The following HDAC9 variants were observed in gnomAD, a reference collection of about 807,000 sequenced individuals.
HDAC9 encodes histone deacetylase 9.
HDAC9 carries 41 observed loss-of-function variants against 139.4 expected under a neutral mutation model. The observed-to-expected ratio is 0.29, with a 90% confidence interval of 0.23 to 0.38. The LOEUF is 0.38. HDAC9 is among the 10% of genes least tolerant of loss of function. HDAC9 has a pLI of 1.00. For missense variants in HDAC9, 1,147 were observed against 1,297.0 expected (o/e 0.88, Z 1.78); for synonymous variants, 517 against 476.2 (o/e 1.09, Z -1.12).
At chr7:18,112,206 G>A (rs1045986864) in intron 1 of HDAC9, among the ~76,000 whole-genome samples, 30 of 152,156 alleles carry the variant, frequency 2.0e-4, no homozygotes, top group African/African-American at 6.8e-4. Context: ...TTCTTTTCAA[G>A]TCTATGTTTA....
At chr7:18,511,616 A>G (rs1801517527) in intron 2 of HDAC9, among the ~76,000 whole-genome samples, 1 of 152,166 alleles carries the variant, frequency 6.6e-6, no homozygotes, top group Non-Finnish European at 1.5e-5. Flanking sequence ...ATAAACAAAT[A>G]AAAGAAAAGA....
intron 11 of HDAC9, among the ~76,000 whole-genome samples, chr7:18,665,825 C>A (rs1156778476): frequency 2.6e-5 from 4 of 152,044 alleles, no homozygotes; most frequent in Non-Finnish European, 5.9e-5. Flanking sequence ...TTTTTTATCA[C>A]CCCCTTTATC....
At chr7:18,310,775 T>G (rs1799257298) in intron 1 of HDAC9, among the ~76,000 whole-genome samples, 1 of 150,698 alleles carries the variant, frequency 6.6e-6, no homozygotes, top group Admixed American at 6.6e-5. Flanking sequence ...AGTTGACATT[T>G]TCTACAGATT....
chr7:18,393,040 G>A (rs2128725393), intron 1 of HDAC9, among the ~76,000 whole-genome samples: 1 of 151,762 alleles, frequency 6.6e-6, no homozygotes, highest in South Asian at 2.1e-4. Flanking sequence ...ATGGGAATGG[G>A]CAGAACAGTG....
rs190552484 is a variant in HDAC9, at chr7:18,411,533, C to A, written c.-41-84729C>A. 2.4e-3 allele frequency among the ~76,000 whole-genome samples: 366 copies of A among 152,148 alleles called. 1 individual carries two copies. Among genetic ancestry groups the A allele is most frequent in the African/African-American group, 8.4e-3 (347 of 41,504 alleles). Reference sequence around the variant, plus strand: ...GGGGCTACAGGTGTACACCATCACACCTGGCTAATTTTTTTGTATTTTTAG... The same window carrying A: ...GGGGCTACAGGTGTACACCATCACAACTGGCTAATTTTTTTGTATTTTTAG... On this transcript the variant is annotated intron_variant, in intron 1 of 3. Coordinates refer to the HDAC9 transcript ENST00000413509.
chr7:18,714,209 T>C (rs1015869361), intron 12 of HDAC9, among the ~76,000 whole-genome samples: 2 of 152,250 alleles, frequency 1.3e-5, no homozygotes, highest in African/African-American at 4.8e-5. Context: ...CACTTTTTAA[T>C]AACGTCATTT....
At chr7:18,702,374 A>G (rs1783562201) in intron 12 of HDAC9, among the ~76,000 whole-genome samples, 1 of 152,206 alleles carries the variant, frequency 6.6e-6, no homozygotes, top group African/African-American at 2.4e-5. Context: ...TTATGGACGC[A>G]CTGGTGTCCG....
intron 1 of HDAC9, among the ~76,000 whole-genome samples, chr7:18,477,970 A>G (rs1795248401): frequency 6.6e-6 from 1 of 152,200 alleles, no homozygotes; most frequent in African/African-American, 2.4e-5. Context: ...TCACACTAGA[A>G]AACAAAGACC....
At chr7:18,935,698 C>T in intron 22 of HDAC9, 111 bp from the exon 23 acceptor site, 1 of 937,644 alleles carries the variant, frequency 1.1e-6, no homozygotes, top group Non-Finnish European at 1.7e-6. Context: ...TGAGTTAGCA[C>T]ACAGAAAATG....
intron 1 of HDAC9, among the ~76,000 whole-genome samples, chr7:18,125,633 G>T (rs1318676121): frequency 2.6e-5 from 4 of 151,954 alleles, no homozygotes; most frequent in Admixed American, 2.6e-4. Context: ...TCAGGGGTCG[G>T]CATACCATTC....
At chr7:18,181,028 G>A (rs1323208332) in intron 2 of HDAC9, among the ~76,000 whole-genome samples, 1 of 152,164 alleles carries the variant, frequency 6.6e-6, no homozygotes, top group Non-Finnish European at 1.5e-5. Flanking sequence ...ATGCATATGT[G>A]TGATTGTATT....
intron 1 of HDAC9, among the ~76,000 whole-genome samples, chr7:18,464,644 G>A (rs1794118270): frequency 6.6e-6 from 1 of 151,914 alleles, no homozygotes; most frequent in Admixed American, 6.6e-5. Context: ...AGGGAGCATT[G>A]CTATACAGTA....
chr7:18,404,956 C>A (rs907976755), intron 1 of HDAC9, among the ~76,000 whole-genome samples: 1 of 152,202 alleles, frequency 6.6e-6, no homozygotes, highest in Non-Finnish European at 1.5e-5. Context: ...AGGACGCCAT[C>A]CCATTGCAGG....
intron 1 of HDAC9, among the ~76,000 whole-genome samples, chr7:18,097,655 A>C (rs1405228292): frequency 1.3e-5 from 2 of 151,858 alleles, no homozygotes; most frequent in African/African-American, 2.4e-5. Flanking sequence ...GCAGCCTTGA[A>C]CTCCTGGGCT....
intron 16 of HDAC9, among the ~76,000 whole-genome samples, chr7:18,774,391 C>G (rs1790578985): frequency 6.6e-6 from 1 of 151,934 alleles, no homozygotes; most frequent in African/African-American, 2.4e-5. Context: ...TATGGATACA[C>G]ACAGACATAC....
At chr7:18,229,831 A>G (rs576356974) in intron 2 of HDAC9, among the ~76,000 whole-genome samples, 28 of 152,276 alleles carry the variant, frequency 1.8e-4, no homozygotes, top group Non-Finnish European at 3.7e-4. Context: ...AAATTCTTCA[A>G]TTTGATGAAG....
intron 1 of HDAC9, among the ~76,000 whole-genome samples, chr7:18,136,911 C>T (rs1187169004): frequency 2.1e-4 from 32 of 151,676 alleles, no homozygotes; most frequent in Admixed American, 1.5e-3. Context: ...GCCATTTTCA[C>T]GATATTGATT....
chr7:18,567,698 TTAAACAATACC>T (rs1275718665), intron 2 of HDAC9, among the ~76,000 whole-genome samples: 2 of 152,154 alleles, frequency 1.3e-5, no homozygotes, highest in Admixed American at 6.5e-5. Flanking sequence ...CCCATAGTTT[TTAAACAATACC>T]TAACTACCAG....
At position 18,917,329 on chromosome 7, in the gene HDAC9, A is replaced by AT. The variant is rs568793236; in HGVS notation, c.2804-18471dup. 9.8e-4 allele frequency among the ~76,000 whole-genome samples: 148 copies of AT among 151,190 alleles called. 1 individual carries two copies. The highest frequency in any genetic ancestry group is 3.0e-3 in the African/African-American group (122 of 41,180). ...GATATGAATTTGAAAAAAAACTGGG[A>AT]TTTTTTTTTCAGTAAATACTACTGT... On this transcript the variant is annotated intron_variant, in intron 22 of 25. Coordinates refer to ENST00000686413, the MANE Select transcript of HDAC9 (RefSeq NM_178425.4).
Sources: gnomAD v4.1 joint callset for allele counts (sites outside exome capture counted in the v4.1 genomes callset) on GRCh38, gnomAD v4.1.1 for gene constraint, MANE v1.5 for transcripts, NCBI Gene and HGNC (gene_info 2026-07-23, HGNC 2026-07-21) for gene names.